The following LHFPL6 variants were observed in gnomAD, a reference collection of about 807,000 sequenced individuals.
LHFPL6 encodes LHFPL tetraspan subfamily member 6.
In LHFPL6, 9 loss-of-function variants were observed where a neutral mutation model predicts 20.6. The ratio of observed to expected loss-of-function variants is 0.44; its 90% CI spans 0.26 to 0.76. The LOEUF is 0.76. LHFPL6 is among the 30% of genes least tolerant of loss of function. The probability of loss-of-function intolerance (pLI) is 0.20; values close to 1 mark genes in which losing one functional copy is unlikely to be tolerated. For missense variants in LHFPL6, 218 were observed against 253.5 expected (o/e 0.86, Z 0.95); for synonymous variants, 105 against 98.7 (o/e 1.06, Z -0.38).
chr13:39,578,578 G>C (rs1388426301), intron 2 of LHFPL6, among the ~76,000 whole-genome samples: 1 of 152,162 alleles, frequency 6.6e-6, no homozygotes, highest in Non-Finnish European at 1.5e-5. Flanking sequence ...CAACACAGAG[G>C]ACACGGGGCA....
Position 39,394,143 on chromosome 13 carries a change from T to A in LHFPL6, c.386-15617A>T, listed in dbSNP as rs547565744. 7.2e-5 allele frequency among the ~76,000 whole-genome samples: 11 copies of A among 152,298 alleles called. 1 individual carries two copies. In the South Asian group the frequency reaches 1.9e-3, roughly 26 times the overall value. Reference sequence around the variant, plus strand: ...GTTGTAGAGATGGGGTCTTGCTAAGTTGCCCAGGCTGGTCTCAAACTCCTG... The same window carrying A: ...GTTGTAGAGATGGGGTCTTGCTAAGATGCCCAGGCTGGTCTCAAACTCCTG... On this transcript the variant is annotated intron_variant, in intron 2 of 3. Coordinates refer to ENST00000379589, the MANE Select transcript of LHFPL6 (RefSeq NM_005780.3).
intron 2 of LHFPL6, among the ~76,000 whole-genome samples, chr13:39,410,856 T>C (rs1451936274): frequency 1.3e-5 from 2 of 152,154 alleles, no homozygotes; most frequent in South Asian, 2.1e-4. Flanking sequence ...TTGTCCCCTA[T>C]CAATCTTTGC....
chr13:39,478,019 T>A (rs1222649381), intron 2 of LHFPL6, among the ~76,000 whole-genome samples: 1 of 152,202 alleles, frequency 6.6e-6, no homozygotes, highest in African/African-American at 2.4e-5. Flanking sequence ...GAAACCAATG[T>A]CCAGTTTTGA....
At chr13:39,484,566 C>G (rs978781181) in intron 2 of LHFPL6, among the ~76,000 whole-genome samples, 1 of 152,088 alleles carries the variant, frequency 6.6e-6, no homozygotes, top group Admixed American at 6.6e-5. Context: ...TTTTATCTAC[C>G]CTCCTTTATG....
intron 2 of LHFPL6, among the ~76,000 whole-genome samples, chr13:39,421,173 C>T (rs1871475098): frequency 6.6e-6 from 1 of 152,086 alleles, no homozygotes; most frequent in South Asian, 2.1e-4. Flanking sequence ...AGAAAGCCTT[C>T]CCATCATGGA....
intron 2 of LHFPL6, among the ~76,000 whole-genome samples, chr13:39,514,367 A>G (rs767117595): frequency 3.9e-5 from 6 of 152,182 alleles, no homozygotes; most frequent in East Asian, 3.9e-4. Flanking sequence ...CAGCAGTGCA[A>G]TGACTGGAAG....
At chr13:39,497,052 A>G (rs1361089825) in intron 2 of LHFPL6, among the ~76,000 whole-genome samples, 4 of 152,186 alleles carry the variant, frequency 2.6e-5, no homozygotes, top group Non-Finnish European at 4.4e-5. Flanking sequence ...AAATTGAACT[A>G]TTACCTTCAG....
intron 3 of LHFPL6, among the ~76,000 whole-genome samples, chr13:39,357,852 A>C (rs1286514904): frequency 6.6e-6 from 1 of 151,902 alleles, no homozygotes; most frequent in Non-Finnish European, 1.5e-5. Flanking sequence ...TCGATGACAC[A>C]AACAAACGGA....
chr13:39,400,011 C>A (rs766026630), intron 2 of LHFPL6, among the ~76,000 whole-genome samples: 1 of 152,106 alleles, frequency 6.6e-6, no homozygotes, highest in Admixed American at 6.5e-5. Flanking sequence ...GAGAATTGCT[C>A]GAACCCAGGA....
At chr13:39,383,545 T>C (rs2138364376) in intron 2 of LHFPL6, among the ~76,000 whole-genome samples, 1 of 152,348 alleles carries the variant, frequency 6.6e-6, no homozygotes, top group Non-Finnish European at 1.5e-5. Context: ...TTTCCATAAC[T>C]GTAGTTCTAC....
chr13:39,382,186 C>A (rs895715991), intron 2 of LHFPL6, among the ~76,000 whole-genome samples: 1 of 152,142 alleles, frequency 6.6e-6, no homozygotes, highest in Admixed American at 6.5e-5. Context: ...TCCGGAATGT[C>A]TCCTATACCA....
intron 3 of LHFPL6, among the ~76,000 whole-genome samples, chr13:39,350,666 T>C (rs1415368636): frequency 6.6e-6 from 1 of 152,214 alleles, no homozygotes; most frequent in African/African-American, 2.4e-5. Flanking sequence ...CCTTTTGCTC[T>C]CCGTAATGCT....
intron 2 of LHFPL6, among the ~76,000 whole-genome samples, chr13:39,424,918 A>G (rs1871598014): frequency 6.6e-6 from 1 of 152,196 alleles, no homozygotes; most frequent in African/African-American, 2.4e-5. Context: ...ATTAGGTACA[A>G]GCAACATATA....
chr13:39,484,219 C>T (rs546922574), intron 2 of LHFPL6, among the ~76,000 whole-genome samples: 1 of 152,240 alleles, frequency 6.6e-6, no homozygotes, highest in East Asian at 1.9e-4. Context: ...CAAAGTGTGG[C>T]CGGAATGAAC....
chr13:39,477,969 T>G (rs1330004794), intron 2 of LHFPL6, among the ~76,000 whole-genome samples: 1 of 152,136 alleles, frequency 6.6e-6, no homozygotes, highest in Admixed American at 6.5e-5. Context: ...AATTAGAAGG[T>G]TACAAGCCAA....
chr13:39,530,220 C>T (rs1321561723), intron 2 of LHFPL6, among the ~76,000 whole-genome samples: 5 of 150,370 alleles, frequency 3.3e-5, no homozygotes, highest in African/African-American at 1.2e-4. Flanking sequence ...GACAAGCCAG[C>T]CTGGGCGACA....
chr13:39,410,592 A>G (rs990105745), intron 2 of LHFPL6, among the ~76,000 whole-genome samples: 5 of 152,214 alleles, frequency 3.3e-5, no homozygotes, highest in African/African-American at 9.7e-5. Context: ...ACAGTCACGA[A>G]AAACAGGAAT....
intron 2 of LHFPL6, among the ~76,000 whole-genome samples, chr13:39,460,579 C>T (rs1354682944): frequency 6.6e-6 from 1 of 152,166 alleles, no homozygotes; most frequent in African/African-American, 2.4e-5. Flanking sequence ...GAACCCAGAA[C>T]ATGTGTGCAT....
intron 2 of LHFPL6, among the ~76,000 whole-genome samples, chr13:39,433,603 A>T (rs1593311358): frequency 6.6e-6 from 1 of 152,350 alleles, no homozygotes; most frequent in East Asian, 1.9e-4. Flanking sequence ...AGAAAGAATT[A>T]GTGTCAATCT....
Sources: gnomAD v4.1 joint callset for allele counts (sites outside exome capture counted in the v4.1 genomes callset) on GRCh38, gnomAD v4.1.1 for gene constraint, MANE v1.5 for transcripts, NCBI Gene and HGNC (gene_info 2026-07-23, HGNC 2026-07-21) for gene names.